The following LRP1B variants were observed in gnomAD, a reference collection of about 807,000 sequenced individuals.
LRP1B encodes the protein low-density lipoprotein receptor-related protein 1B.
In LRP1B, 217 loss-of-function variants were observed where a neutral mutation model predicts 556.6. The observed-to-expected ratio is 0.39, with a 90% confidence interval of 0.35 to 0.44. The LOEUF (loss-of-function observed/expected upper bound fraction) is 0.44, where lower values mean the gene tolerates loss of function less well. Ranked by LOEUF, LRP1B falls within the 20% of genes least tolerant of loss-of-function variation. LRP1B has a pLI of 1.00. For missense variants in LRP1B, 5,053 were observed against 5,620.8 expected, an observed-to-expected ratio of 0.90 and a Z score of 3.23; for synonymous variants, 2,047 against 1,865.8, an observed-to-expected ratio of 1.10 and a Z score of -2.50.
At chr2:142,093,164 T>G (rs1237077872) in intron 1 of LRP1B, among the ~76,000 whole-genome samples, 2 of 152,142 alleles carry the variant, frequency 1.3e-5, no homozygotes, top group Admixed American at 1.3e-4. Flanking sequence ...TGTCTACATT[T>G]TTCTACAGTA....
intron 2 of LRP1B, among the ~76,000 whole-genome samples, chr2:141,575,893 G>T (rs181821884): frequency 1.3e-5 from 2 of 152,220 alleles, no homozygotes; most frequent in Admixed American, 1.3e-4. Flanking sequence ...AAGCCAAAAT[G>T]AGATACCATC....
At chr2:141,987,575 C>G (rs796174574) in intron 1 of LRP1B, among the ~76,000 whole-genome samples, 1 of 96,578 alleles carries the variant, frequency 1.0e-5, no homozygotes, top group South Asian at 3.7e-4. Flanking sequence ...TTTCTTTTTT[C>G]TTTTTCTCTC....
intron 55 of LRP1B, among the ~76,000 whole-genome samples, chr2:140,498,620 AAGG>A (rs1689048319): frequency 1.3e-5 from 2 of 151,784 alleles, no homozygotes; most frequent in African/African-American, 4.8e-5. Context: ...CTTATATTAC[AAGG>A]AGAAGTAGGC....
intron 3 of LRP1B, among the ~76,000 whole-genome samples, chr2:141,315,980 C>T (rs946125781): frequency 1.1e-4 from 15 of 130,502 alleles, no homozygotes; most frequent in African/African-American, 3.9e-4. Context: ...TTGTGACCAA[C>T]ATCTAATATC....
intron 27 of LRP1B, among the ~76,000 whole-genome samples, chr2:140,853,122 C>T (rs1382922142): frequency 5.3e-5 from 8 of 152,026 alleles, no homozygotes; most frequent in Admixed American, 3.3e-4. Context: ...CTTCCCTCCA[C>T]CCCTCTTTCC....
chr2:141,535,065 C>T (rs1685022883), intron 2 of LRP1B, among the ~76,000 whole-genome samples: 1 of 152,178 alleles, frequency 6.6e-6, no homozygotes, highest in Admixed American at 6.5e-5. Flanking sequence ...GGCTCTCTCA[C>T]ATGGCTGTGC....
chr2:141,950,943 G>GTCTT (rs1379637349), intron 1 of LRP1B, among the ~76,000 whole-genome samples: 1 of 152,048 alleles, frequency 6.6e-6, no homozygotes, highest in East Asian at 1.9e-4. Flanking sequence ...CTTGGTTGAA[G>GTCTT]TCTTGGAGGT....
intron 86 of LRP1B, among the ~76,000 whole-genome samples, chr2:140,265,108 A>C (rs150977156): frequency 6.7e-4 from 101 of 151,490 alleles, no homozygotes; most frequent in African/African-American, 2.3e-3. Context: ...TACAAAAAAA[A>C]CCCTTAAATT....
At chr2:140,622,695 A>G (rs1042522250) in intron 41 of LRP1B, among the ~76,000 whole-genome samples, 4 of 152,216 alleles carry the variant, frequency 2.6e-5, no homozygotes, top group African/African-American at 9.6e-5. Context: ...GAACAGAAAG[A>G]AAGAATCTAA....
chr2:141,715,056 C>T (rs940247593), intron 2 of LRP1B, among the ~76,000 whole-genome samples: 1 of 152,138 alleles, frequency 6.6e-6, no homozygotes, highest in Non-Finnish European at 1.5e-5. Context: ...TGATATTGGA[C>T]TAGAATGACC....
chr2:141,759,902 G>A (rs1052906435), intron 2 of LRP1B, among the ~76,000 whole-genome samples: 20 of 152,060 alleles, frequency 1.3e-4, no homozygotes, highest in Middle Eastern at 3.2e-3. Context: ...AGGCCGAGGC[G>A]GGTAGATCAC....
At chr2:141,982,939 T>C (rs894118778) in intron 1 of LRP1B, among the ~76,000 whole-genome samples, 1 of 152,208 alleles carries the variant, frequency 6.6e-6, no homozygotes, top group Admixed American at 6.5e-5. Flanking sequence ...AACAAGATTA[T>C]ATGTTCAGAG....
chr2:140,471,913 A>G (rs180730636), intron 60 of LRP1B, among the ~76,000 whole-genome samples: 1 of 152,118 alleles, frequency 6.6e-6, no homozygotes, highest in East Asian at 1.9e-4. Flanking sequence ...TCAAGACTCT[A>G]TTACATCTTT....
intron 2 of LRP1B, among the ~76,000 whole-genome samples, chr2:141,708,782 G>T (rs532581487): frequency 1.3e-5 from 2 of 152,074 alleles, no homozygotes; most frequent in Non-Finnish European, 1.5e-5. Flanking sequence ...ATCCGACCGT[G>T]TTGTTATAAG....
At chr2:141,444,565 G>A (rs1377567990) in intron 3 of LRP1B, among the ~76,000 whole-genome samples, 1 of 152,086 alleles carries the variant, frequency 6.6e-6, no homozygotes, top group East Asian at 1.9e-4. Flanking sequence ...CTGGGGGTTT[G>A]TCATAAATAG....
intron 6 of LRP1B, among the ~76,000 whole-genome samples, chr2:141,222,440 T>C (rs1683084761): frequency 1.3e-5 from 2 of 152,184 alleles, no homozygotes; most frequent in Admixed American, 1.3e-4. Context: ...AGCTGAATTC[T>C]ACCAGAGGTA....
chr2:140,796,071 A>ATCTG (rs965255894), intron 32 of LRP1B, among the ~76,000 whole-genome samples: 1 of 151,802 alleles, frequency 6.6e-6, no homozygotes, highest in Non-Finnish European at 1.5e-5. Flanking sequence ...CTATCTATCT[A>ATCTG]TCTATGTCTA....
chr2:141,802,075 C>T (rs1574376594), intron 2 of LRP1B, among the ~76,000 whole-genome samples: 1 of 151,996 alleles, frequency 6.6e-6, no homozygotes, highest in African/African-American at 2.4e-5. Context: ...TAAATGGCCA[C>T]CTGCTTGCTA....
chr2:141,581,046 G>A (rs777362118), intron 2 of LRP1B, among the ~76,000 whole-genome samples: 1 of 152,174 alleles, frequency 6.6e-6, no homozygotes, highest in Non-Finnish European at 1.5e-5. Context: ...TCCCATGAAA[G>A]TGTTTGAAAA....
Sources: gnomAD v4.1 joint callset for allele counts (sites outside exome capture counted in the v4.1 genomes callset) on GRCh38, gnomAD v4.1.1 for gene constraint, MANE v1.5 for transcripts, NCBI Gene and HGNC (gene_info 2026-07-23, HGNC 2026-07-21) for gene names.